AGO1: variants seen among roughly 807,000 people sequenced by gnomAD.
AGO1 encodes the protein protein argonaute-1.
AGO1 carries 11 observed loss-of-function variants against 109.2 expected under a neutral mutation model. The ratio of observed to expected loss-of-function variants is 0.10; its 90% CI spans 0.06 to 0.17. The LOEUF (loss-of-function observed/expected upper bound fraction) is 0.17. Ranked by LOEUF, AGO1 falls within the 10% of genes least tolerant of loss-of-function variation. The probability of loss-of-function intolerance (pLI) is 1.00; values close to 1 mark genes in which losing one functional copy is unlikely to be tolerated. For synonymous variants in AGO1, 422 were observed against 418.6 expected, an observed-to-expected ratio of 1.01 and a Z score of -0.10; for missense variants, 574 against 1,140.3, an observed-to-expected ratio of 0.50 and a Z score of 7.15.
intron 12 of AGO1, among the ~76,000 whole-genome samples, chr1:35,913,403 C>G (rs997295133): frequency 2.0e-5 from 3 of 152,190 alleles, no homozygotes; most frequent in Non-Finnish European, 4.4e-5. Flanking sequence ...CAACATGCTC[C>G]CCTTGCTCTT....
At position 35,895,134 on chromosome 1, in the gene AGO1, G is replaced by C; in HGVS notation, c.885G>C (p.Gln295His). Residue 295 changes from glutamine (Q) to histidine (H), a missense_variant, in exon 8 of 19, where the codon CAG becomes CAC. By Grantham distance (24) the Gln-to-His change is conservative (BLOSUM62 0). This residue lies in a region of AGO1 where 42 missense variants were observed against 142.4 expected (regional missense o/e 0.29). Coordinates refer to ENST00000373204, the MANE Select transcript of AGO1 (RefSeq NM_012199.5). ...TTCTTCTGAACAGATTCCCCTTACA[G>C]CTGGAGAGTGGACAGACTGTGGAGT... ...RPASHQTFPL[Q>H]LESGQTVECT... is the part of the protein sequence containing the mutation. 6.2e-7 allele frequency: 1 copy of C among 1,611,280 alleles called. No individual in the cohort carries two copies. The highest frequency in any genetic ancestry group is 1.3e-5 in the African/African-American group (1 of 74,718).
At chr1:35,872,019 A>G (rs1644955253) in intron 1 of AGO1, among the ~76,000 whole-genome samples, 2 of 149,088 alleles carry the variant, frequency 1.3e-5, no homozygotes, top group Non-Finnish European at 3.0e-5. Flanking sequence ...GCAGTGAGCC[A>G]AGATTGCACC....
rs556704991 is a variant in AGO1, at chr1:35,929,013, A to T, written c.*9406A>T. ...CATTTATTTATTCACCTATCTGTCCATCAATCCAACAAATATACTGAATGC... is the reference window on the plus strand; with the variant it reads ...CATTTATTTATTCACCTATCTGTCCTTCAATCCAACAAATATACTGAATGC... On this transcript the variant is annotated 3_prime_UTR_variant, in exon 19 of 19. Transcript: ENST00000373204. 6.6e-6 allele frequency: 1 copy of T among 152,390 alleles called. No individual in the cohort carries two copies. The highest frequency in any genetic ancestry group is 2.1e-4 in the South Asian group (1 of 4,832). The allele number at this position is 152,390 out of a possible 1,614,324, so 9.4% of individuals were successfully genotyped here.
chr1:35,926,483 A>G lies in AGO1; in HGVS notation c.*6876A>G, dbSNP rs976807461. The G allele has an allele frequency of 3.3e-5, 5 of 152,178 alleles. No individual in the cohort carries two copies. Among genetic ancestry groups the G allele is most frequent in the African/African-American group, 1.2e-4 (5 of 41,422 alleles). 9.4% of individuals were successfully genotyped at this position (152,178 alleles called of 1,614,324 possible). A position where few individuals can be genotyped will look rare whatever the true frequency, so the allele number is the denominator to read the frequency against. Reference sequence around the variant, plus strand: ...ATCTCTTGGTGTAGCAGACCCCAGAATCTCATGGCAATTAGGATTTGGTGG... The same window carrying G: ...ATCTCTTGGTGTAGCAGACCCCAGAGTCTCATGGCAATTAGGATTTGGTGG... On this transcript the variant is annotated 3_prime_UTR_variant, in exon 19 of 19. Coordinates refer to ENST00000373204, the MANE Select transcript of AGO1 (RefSeq NM_012199.5).
At chr1:35,874,391 G>A (rs757932897) in intron 1 of AGO1, among the ~76,000 whole-genome samples, 23 of 152,114 alleles carry the variant, frequency 1.5e-4, no homozygotes, top group African/African-American at 4.1e-4. Flanking sequence ...TGCCCAGGCC[G>A]GTCTCAAACT....
At position 35,905,532 on chromosome 1, in the gene AGO1, A is replaced by G. The variant is rs541690141; in HGVS notation, c.1398-1403A>G. Among the ~76,000 whole-genome samples the G allele has an allele frequency of 1.1e-4, 17 of 152,106 alleles. No homozygotes were observed. The East Asian group carries it at 2.9e-3, about 26-fold the overall frequency. ...GCCCAGGCTGGAGTGCAGTGGCGCA[A>G]TCTCGGCTCACTGCAGCCTCTGCCT... is the stretch of plus-strand genomic sequence containing the variant. On this transcript the variant is annotated intron_variant, in intron 11 of 18. Transcript: ENST00000373204.
intron 11 of AGO1, among the ~76,000 whole-genome samples, chr1:35,905,146 A>G (rs1344109026): frequency 6.6e-6 from 1 of 152,162 alleles, no homozygotes; most frequent in African/African-American, 2.4e-5. Flanking sequence ...TAGAGAGAAG[A>G]TTGGAAATAA....
intron 12 of AGO1, among the ~76,000 whole-genome samples, chr1:35,913,175 A>G (rs1188288168): frequency 6.6e-6 from 1 of 151,844 alleles, no homozygotes; most frequent in East Asian, 1.9e-4. Flanking sequence ...GCCCGCCACC[A>G]TGCCTGGCTA....
chr1:35,879,215 C>T (rs748977147), upstream of AGO1, among the ~76,000 whole-genome samples: 2 of 152,094 alleles, frequency 1.3e-5, no homozygotes, highest in African/African-American at 2.4e-5. Context: ...TTTGGGAGGC[C>T]GAGGCGGGTG....
Position 35,914,226 on chromosome 1 carries a change from T to C in AGO1, c.1785T>C (p.Asp595=), listed in dbSNP as rs547329659. Residue 595 remains aspartate (D), a synonymous_variant, in exon 14 of 19, where the codon GAT becomes GAC. Transcript: ENST00000373204. The part of the protein sequence containing the change: ...FQQPVIFLGA[D]VTHPPAGDGK... Reference sequence around the variant, plus strand: ...AGCCAGTGATATTCCTGGGAGCAGATGTTACACACCCCCCAGCAGGGGATG... The same window carrying C: ...AGCCAGTGATATTCCTGGGAGCAGACGTTACACACCCCCCAGCAGGGGATG... The C allele has an allele frequency of 6.2e-7, 1 of 1,614,196 alleles. No individual in the cohort carries two copies. The highest frequency in any genetic ancestry group is 2.2e-5 in the East Asian group (1 of 44,886).
At chr1:35,891,024 C>T (rs1645208538) in intron 2 of AGO1, among the ~76,000 whole-genome samples, 1 of 152,152 alleles carries the variant, frequency 6.6e-6, no homozygotes, top group Non-Finnish European at 1.5e-5. Flanking sequence ...CTATCCTCTG[C>T]CTTTTTCAAT....
In AGO1 at chr1:35,915,521, G is replaced by T; in HGVS notation, c.2007G>T (p.Val669=). The stretch of plus-strand genomic sequence containing the variant: ...GCATCATCTTCTACCGAGATGGGGT[G>T]CCTGAAGGCCAGCTACCCCAGGTAG... ...PTRIIFYRDG[V]PEGQLPQILH... The change falls in exon 15 of 19, where the codon GTG becomes GTT. Residue 669 remains valine, a synonymous_variant. Transcript: ENST00000373204. 6 of 1,614,098 alleles carry T rather than the reference G, an allele frequency of 3.7e-6. No homozygotes were observed. Among genetic ancestry groups the T allele is most frequent in the Non-Finnish European group, 5.1e-6 (6 of 1,180,014 alleles).
Position 35,912,158 on chromosome 1 carries a change from C to G in AGO1, c.1583-1684C>G, listed in dbSNP as rs554776585. ...GGATCATGAGGTCAGGAGATCGAGA[C>G]CATCCTGGCTAACATGGTGAAACCC... is the stretch of plus-strand genomic sequence containing the variant. On this transcript the variant is annotated intron_variant, in intron 12 of 18. Coordinates refer to ENST00000373204, the MANE Select transcript of AGO1 (RefSeq NM_012199.5). 5.3e-5 allele frequency among the ~76,000 whole-genome samples: 8 copies of G among 152,128 alleles called. No individual in the cohort carries two copies. The East Asian group carries it at 1.5e-3, about 29-fold the overall frequency.
chr1:35,898,381 G>T (rs647690), intron 8 of AGO1, among the ~76,000 whole-genome samples: 1 of 151,366 alleles, frequency 6.6e-6, no homozygotes, highest in Non-Finnish European at 1.5e-5. Flanking sequence ...CTCAGCCTCC[G>T]GAGTAGCTGG....
Position 35,888,341 on chromosome 1 carries a change from C to G in AGO1, c.26-86C>G. 1 of 1,410,760 alleles carries G rather than the reference C, an allele frequency of 7.1e-7. No homozygotes were observed. The highest frequency in any genetic ancestry group is 9.8e-7 in the Non-Finnish European group (1 of 1,020,696). 87.4% of individuals were successfully genotyped at this position (1,410,760 alleles called of 1,614,324 possible). ...AGGCATTCTCTATACTCTCGTGTTCCTGTTCTGGGAGGCCTTGTTCCTCCT... is the reference window on the plus strand; with the variant it reads ...AGGCATTCTCTATACTCTCGTGTTCGTGTTCTGGGAGGCCTTGTTCCTCCT... On this transcript the variant is annotated intron_variant, in intron 1 of 18. Coordinates refer to ENST00000373204, the MANE Select transcript of AGO1 (RefSeq NM_012199.5). The surrounding 1 kb of genome is among the most constrained non-coding windows in gnomAD (Gnocchi z 4.1).
chr1:35,888,505 C>A lies in AGO1; in HGVS notation c.104C>A (p.Pro35Gln). The change falls in exon 2 of 19, where the codon CCA (proline) becomes CAA (glutamine). Residue 35 changes from proline to glutamine, a missense_variant. This residue lies in a region of AGO1 where 89 missense variants were observed against 109.6 expected (regional missense o/e 0.81). Coordinates refer to ENST00000373204, the MANE Select transcript of AGO1 (RefSeq NM_012199.5). The surrounding 1 kb of genome is among the most constrained non-coding windows in gnomAD (Gnocchi z 4.1). ...CCTGGCATTGGCACTGTGGGGAAACCAATCAAGCTCCTGGCCAATTACTTT... is the reference window on the plus strand; with the variant it reads ...CCTGGCATTGGCACTGTGGGGAAACAAATCAAGCTCCTGGCCAATTACTTT... ...RRPGIGTVGK[P>Q]IKLLANYFEV... is the part of the protein sequence containing the mutation. The A allele has an allele frequency of 6.2e-7, 1 of 1,614,238 alleles. No individual in the cohort carries two copies. Among genetic ancestry groups the A allele is most frequent in the Non-Finnish European group, 8.5e-7 (1 of 1,180,046 alleles).
chr1:35,894,433 T>G (rs749602510), intron 7 of AGO1, 31 bp downstream of exon 7: 1 of 1,606,874 alleles, frequency 6.2e-7, no homozygotes, highest in South Asian at 1.1e-5. Context: ...AGTCATACTT[T>G]GTTGGTGGAG....
Position 35,901,960 on chromosome 1 carries a change from A to G in AGO1, c.1153A>G (p.Ser385Gly). 1.9e-6 allele frequency: 3 copies of G among 1,592,720 alleles called. No individual in the cohort carries two copies. The highest frequency in any genetic ancestry group is 2.6e-6 in the Non-Finnish European group (3 of 1,170,118). The change falls in exon 10 of 19, where the codon AGC becomes GGC. Residue 385 changes from serine (S) to glycine (G), a missense_variant. Coordinates refer to ENST00000373204, the MANE Select transcript of AGO1 (RefSeq NM_012199.5). The surrounding 1 kb of genome is among the most constrained non-coding windows in gnomAD (Gnocchi z 4.8). ...TTTTGTCCTGCAGATGAAGAATGCC[A>G]GCTACAACTTAGATCCCTACATCCA... ...EEISRLMKNA[S>G]YNLDPYIQEF...
chr1:35,914,350 T>G, intron 14 of AGO1, 76 bp downstream of exon 14: 3 of 1,208,422 alleles, frequency 2.5e-6, no homozygotes, highest in Non-Finnish European at 3.7e-6. Context: ...ATGATTTCCT[T>G]CCCTCAGCTC....
Sources: allele counts gnomAD v4.1 joint callset (sites outside exome capture counted in the v4.1 genomes callset), GRCh38; gene constraint gnomAD v4.1.1; regional missense constraint gnomAD v4.1.1; non-coding constraint Gnocchi (gnomAD v3.1); transcripts MANE v1.5; gene names NCBI Gene and HGNC (gene_info 2026-07-23, HGNC 2026-07-21).